SPAG16: variants seen among roughly 807,000 people sequenced by gnomAD.
SPAG16 encodes the protein sperm associated antigen 16.
A neutral mutation model predicts 80.4 loss-of-function variants in SPAG16; 86 were observed. The ratio of observed to expected loss-of-function variants is 1.07; its 90% confidence interval spans 0.90 to 1.28. SPAG16 has a LOEUF of 1.28. Ranked by LOEUF, SPAG16 falls within the 50% of genes most tolerant of loss-of-function variation. The pLI is 0.00. For missense variants in SPAG16, 870 were observed against 765.3 expected (o/e 1.14, Z -1.61); for synonymous variants, 294 against 265.9 (o/e 1.11, Z -1.03).
chr2:214,375,182 T>A (rs1404551960), intron 15 of SPAG16, among the ~76,000 whole-genome samples: 1 of 152,204 alleles, frequency 6.6e-6, no homozygotes, highest in Non-Finnish European at 1.5e-5. Context: ...CTAACTGACC[T>A]TTCCAGACCT....
intron 10 of SPAG16, among the ~76,000 whole-genome samples, chr2:213,574,688 T>TATATATGATATATGATATATATATG (rs2060056796): frequency 6.7e-6 from 1 of 148,278 alleles, no homozygotes; most frequent in East Asian, 1.9e-4. Context: ...ATATATGATA[T>TATATATGATATATGATATATATATG]ATATATGATA....
intron 10 of SPAG16, among the ~76,000 whole-genome samples, chr2:213,725,045 T>C (rs1040588304): frequency 6.6e-5 from 10 of 151,924 alleles, no homozygotes; most frequent in Non-Finnish European, 1.0e-4. Flanking sequence ...TTTTTTTTTT[T>C]CTTTGAGGCA....
chr2:213,893,539 A>G (rs2076870740), intron 11 of SPAG16, among the ~76,000 whole-genome samples: 1 of 152,186 alleles, frequency 6.6e-6, no homozygotes, highest in Admixed American at 6.6e-5. Context: ...GTAATATAAA[A>G]TATGTAAACT....
chr2:213,946,392 C>T (rs536590510), intron 12 of SPAG16, among the ~76,000 whole-genome samples: 4 of 152,216 alleles, frequency 2.6e-5, no homozygotes, highest in South Asian at 4.1e-4. Context: ...GGATTACAGG[C>T]GTGAGCCACT....
chr2:213,422,920 T>G (rs901754443), intron 9 of SPAG16, among the ~76,000 whole-genome samples: 3 of 152,230 alleles, frequency 2.0e-5, no homozygotes, highest in Non-Finnish European at 4.4e-5. Flanking sequence ...CAGCTTAGAC[T>G]TCTAAGTACT....
intron 10 of SPAG16, among the ~76,000 whole-genome samples, chr2:213,629,494 G>A (rs545807679): frequency 6.6e-6 from 1 of 152,344 alleles, no homozygotes; most frequent in South Asian, 2.1e-4. Flanking sequence ...CACAAGGAGA[G>A]AATCCTGATT....
chr2:213,561,590 C>G (rs1405626750), intron 10 of SPAG16, among the ~76,000 whole-genome samples: 1 of 152,092 alleles, frequency 6.6e-6, no homozygotes, highest in Non-Finnish European at 1.5e-5. Flanking sequence ...AATTCTTTAC[C>G]TCTAGCAAAA....
rs148178890 is a variant in SPAG16 at position 213,352,607 on chromosome 2, A to G, written c.762+1962A>G. 2.4e-4 allele frequency among the ~76,000 whole-genome samples: 37 copies of G among 152,362 alleles called. No individual in the cohort carries two copies. In the East Asian group the frequency reaches 5.0e-3, roughly 21 times the overall value. On this transcript the variant is annotated intron_variant, in intron 7 of 15. Transcript: ENST00000331683. Reference sequence around the variant, plus strand: ...CTGGTATGAATTCCAGTTGTGTTGTAAAACACCCAAGTGAGGATTCAGGTT... The same window carrying G: ...CTGGTATGAATTCCAGTTGTGTTGTGAAACACCCAAGTGAGGATTCAGGTT...
rs113716800 is a variant in SPAG16 at position 213,557,612 on chromosome 2, A to T, written c.1070+67522A>T. Among the ~76,000 whole-genome samples the T allele has an allele frequency of 7.9e-4, 120 of 152,252 alleles. 2 individuals carry two copies. Among genetic ancestry groups the T allele is most frequent in the Middle Eastern group, 3.4e-3 (1 of 294 alleles). Reference sequence around the variant, plus strand: ...TAAAAAGCAGTAGTTTATACTTTTTAAATAAGTTTACATTAAAAAAAATTG... The same window carrying T: ...TAAAAAGCAGTAGTTTATACTTTTTTAATAAGTTTACATTAAAAAAAATTG... On this transcript the variant is annotated intron_variant, in intron 10 of 15. Transcript: ENST00000331683.
chr2:214,364,975 A>G (rs917072443), intron 15 of SPAG16, among the ~76,000 whole-genome samples: 1 of 152,196 alleles, frequency 6.6e-6, no homozygotes, highest in Non-Finnish European at 1.5e-5. Context: ...TTGGAAAAAT[A>G]TTGTGACAAT....
intron 15 of SPAG16, among the ~76,000 whole-genome samples, chr2:214,229,761 C>T (rs1688560495): frequency 6.6e-6 from 1 of 151,622 alleles, no homozygotes; most frequent in African/African-American, 2.4e-5. Flanking sequence ...ACAGTCAATA[C>T]AAACATGGGA....
intron 11 of SPAG16, among the ~76,000 whole-genome samples, chr2:213,902,602 T>C (rs944238712): frequency 2.0e-5 from 3 of 151,954 alleles, no homozygotes; most frequent in African/African-American, 7.3e-5. Context: ...ATTATGGGAG[T>C]ACAATTCAAG....
At chr2:213,495,623 A>C (rs1207164526) in intron 10 of SPAG16, among the ~76,000 whole-genome samples, 1 of 152,220 alleles carries the variant, frequency 6.6e-6, no homozygotes. Flanking sequence ...CACATGCTGT[A>C]TTTGATGGCC....
At chr2:213,864,731 C>CT (rs1416612575) in intron 11 of SPAG16, among the ~76,000 whole-genome samples, 1 of 152,076 alleles carries the variant, frequency 6.6e-6, no homozygotes, top group Admixed American at 6.6e-5. Context: ...GTCAGGCACT[C>CT]TATCTTCTGC....
At chr2:213,452,176 G>A (rs2071737892) in intron 9 of SPAG16, among the ~76,000 whole-genome samples, 1 of 152,126 alleles carries the variant, frequency 6.6e-6, no homozygotes, top group African/African-American at 2.4e-5. Flanking sequence ...TAGAAGAGAG[G>A]TGATTTCTTT....
At chr2:213,444,895 T>C (rs2071199980) in intron 9 of SPAG16, among the ~76,000 whole-genome samples, 2 of 152,060 alleles carry the variant, frequency 1.3e-5, no homozygotes, top group Admixed American at 6.6e-5. Flanking sequence ...AATAGACATA[T>C]AGACTAATAT....
intron 12 of SPAG16, among the ~76,000 whole-genome samples, chr2:214,005,472 G>A (rs1214464065): frequency 1.3e-5 from 2 of 152,106 alleles, no homozygotes; most frequent in Non-Finnish European, 2.9e-5. Flanking sequence ...GAGGGTTTTG[G>A]CCAAGAACTT....
At chr2:214,263,447 A>G (rs1691324528) in intron 15 of SPAG16, among the ~76,000 whole-genome samples, 1 of 152,180 alleles carries the variant, frequency 6.6e-6, no homozygotes, top group South Asian at 2.1e-4. Context: ...AGAAGCATAT[A>G]TCTTTATATC....
chr2:214,149,053 G>GTA (rs5838412), intron 14 of SPAG16, 87 bp from the exon 15 acceptor site: 33 of 282,350 alleles, frequency 1.2e-4, no homozygotes, highest in South Asian at 6.9e-4. Flanking sequence ...GTGTGTGTGT[G>GTA]TATATATATA....
Sources: gnomAD v4.1 joint callset for allele counts (sites outside exome capture counted in the v4.1 genomes callset) on GRCh38, gnomAD v4.1.1 for gene constraint, MANE v1.5 for transcripts, NCBI Gene and HGNC (gene_info 2026-07-23, HGNC 2026-07-21) for gene names.